MINAR2: variants seen among roughly 807,000 people sequenced by gnomAD.
MINAR2 encodes the protein major intrinsically disordered NOTCH2-binding receptor 1-like.
In MINAR2, 21 loss-of-function variants were observed where a neutral mutation model predicts 16.1. The observed-to-expected ratio is 1.31, with a 90% CI of 0.93 to 1.88. The LOEUF is 1.88. MINAR2 is among the 40% of genes most tolerant of loss of function. MINAR2 has a pLI of 0.00. For missense variants in MINAR2, 259 were observed against 229.8 expected (o/e 1.13, Z -0.82); for synonymous variants, 86 against 83.0 (o/e 1.04, Z -0.20).
At chr5:129,751,210 AT>A (rs565627835) in intron 1 of MINAR2, among the ~76,000 whole-genome samples, 22 of 148,716 alleles carry the variant, frequency 1.5e-4, no homozygotes, top group African/African-American at 3.7e-4. Context: ...CATTCAATCT[AT>A]TTTTTTTTTC....
At chr5:129,756,203 A>G (rs1758051924) in intron 1 of MINAR2, among the ~76,000 whole-genome samples, 1 of 152,124 alleles carries the variant, frequency 6.6e-6, no homozygotes, top group South Asian at 2.1e-4. Context: ...GGAATTTAAC[A>G]TGCTATCAAT....
At chr5:129,763,862 A>C (rs185288261) in intron 2 of MINAR2, among the ~76,000 whole-genome samples, 11 of 152,302 alleles carry the variant, frequency 7.2e-5, no homozygotes, top group African/African-American at 2.6e-4. Flanking sequence ...TGATAAAGAA[A>C]ACTTGCTGTG....
intron 1 of MINAR2, among the ~76,000 whole-genome samples, chr5:129,759,979 C>T (rs1484737696): frequency 6.6e-6 from 1 of 151,760 alleles, no homozygotes; most frequent in African/African-American, 2.4e-5. Context: ...GCTGGATTAG[C>T]ACAATAATAT....
In MINAR2 at chr5:129,760,414, G is replaced by T; in HGVS notation, c.202G>T (p.Gly68Ter). ...KKNIAAQRIR[G>*]SSADSLVTAD... ...GAATATTGCTGCTCAACGAATTAGG[G>T]GATCCAGTGCAGACAGCCTTGTCAC... The change falls in exon 2 of 3, where the codon GGA becomes TGA. Residue 68 changes from glycine (G) to a stop codon, truncating the protein, a stop_gained. Coordinates refer to ENST00000564719, the MANE Select transcript of MINAR2 (RefSeq NM_001257308.2). LOFTEE classifies it high-confidence loss of function. The T allele has an allele frequency of 6.5e-7, 1 of 1,535,700 alleles. No homozygotes were observed. The highest frequency in any genetic ancestry group is 8.7e-7 in the Non-Finnish European group (1 of 1,146,574).
At chr5:129,757,758 G>A (rs1301314713) in intron 1 of MINAR2, among the ~76,000 whole-genome samples, 2 of 151,800 alleles carry the variant, frequency 1.3e-5, no homozygotes, top group African/African-American at 2.4e-5. Flanking sequence ...ATACTCCAGT[G>A]TATTCATTTC....
intron 2 of MINAR2, among the ~76,000 whole-genome samples, chr5:129,763,663 G>A (rs1758168940): frequency 6.6e-6 from 1 of 152,182 alleles, no homozygotes; most frequent in South Asian, 2.1e-4. Flanking sequence ...CTTCTTCACA[G>A]ATCATCCATA....
At chr5:129,763,147 C>T (rs186873682) in intron 2 of MINAR2, among the ~76,000 whole-genome samples, 11 of 152,194 alleles carry the variant, frequency 7.2e-5, no homozygotes, top group Non-Finnish European at 1.3e-4. Flanking sequence ...AGGACCTGCT[C>T]CCTCCCCTAC....
At chr5:129,764,169 T>C (rs928212943) in intron 2 of MINAR2, among the ~76,000 whole-genome samples, 1 of 152,096 alleles carries the variant, frequency 6.6e-6, no homozygotes, top group Non-Finnish European at 1.5e-5. Context: ...GACTTGATAA[T>C]TCTATGGGCC....
chr5:129,765,817 A>G lies in MINAR2; in HGVS notation c.*754A>G, dbSNP rs555603796. 5 of 152,274 alleles carry G rather than the reference A, an allele frequency of 3.3e-5. No individual in the cohort carries two copies. Among genetic ancestry groups the G allele is most frequent in the African/African-American group, 1.2e-4 (5 of 41,558 alleles). The allele number at this position is 152,274 out of a possible 1,614,324, so 9.4% of individuals were successfully genotyped here. On this transcript the variant is annotated 3_prime_UTR_variant, in exon 3 of 3. Transcript: ENST00000564719. ...GTGCATATATTACCAACCATGGTCT[A>G]GGTTGGGGGTCCCTAGGAAAGCAGA...
intron 1 of MINAR2, among the ~76,000 whole-genome samples, chr5:129,759,745 C>T (rs1758102985): frequency 1.3e-5 from 2 of 151,888 alleles, no homozygotes; most frequent in African/African-American, 2.4e-5. Context: ...ATTTATAGAG[C>T]TATGTATTTA....
rs563937540 is a variant in MINAR2 at position 129,759,541 on chromosome 5, G to A, written c.166-837G>A. On this transcript the variant is annotated intron_variant, in intron 1 of 2. Transcript: ENST00000564719. ...AAGGTCAAGCCAGACACAGAAAAGC[G>A]CACATTATATGATTTTATTTATAGA... is the stretch of plus-strand genomic sequence containing the variant. 3.1e-3 allele frequency among the ~76,000 whole-genome samples: 466 copies of A among 152,132 alleles called. 2 individuals are homozygous for A. The highest frequency in any genetic ancestry group is 9.2e-3 in the African/African-American group (380 of 41,500).
chr5:129,762,196 C>T (rs1178365517), intron 2 of MINAR2, among the ~76,000 whole-genome samples: 1 of 151,992 alleles, frequency 6.6e-6, no homozygotes, highest in African/African-American at 2.4e-5. Flanking sequence ...ATCTGTACCC[C>T]AAATTCTCAA....
intron 1 of MINAR2, among the ~76,000 whole-genome samples, chr5:129,751,158 A>G (rs1757980037): frequency 6.6e-6 from 1 of 152,166 alleles, no homozygotes; most frequent in Non-Finnish European, 1.5e-5. Context: ...CCATTTGCAG[A>G]GGAAACTCTC....
chr5:129,754,587 G>T (rs1436642592), intron 1 of MINAR2, among the ~76,000 whole-genome samples: 1 of 151,994 alleles, frequency 6.6e-6, no homozygotes, highest in South Asian at 2.1e-4. Context: ...ATAATATCTT[G>T]TAATTCTCCA....
At chr5:129,749,829 G>A (rs371975786) in intron 1 of MINAR2, among the ~76,000 whole-genome samples, 87 of 152,226 alleles carry the variant, frequency 5.7e-4, no homozygotes, top group African/African-American at 2.0e-3. Context: ...GTTGAATGTT[G>A]TTCCTAAACC....
Position 129,765,090 on chromosome 5 carries a change from T to A in MINAR2, c.*27T>A. 1 of 1,239,562 alleles carries A rather than the reference T, an allele frequency of 8.1e-7. No homozygotes were observed. Among genetic ancestry groups the A allele is most frequent in the East Asian group, 3.1e-5 (1 of 32,456 alleles). The allele number at this position is 1,239,562 out of a possible 1,614,324, so 76.8% of individuals were successfully genotyped here. A position where few individuals can be genotyped will look rare whatever the true frequency, so the allele number is the denominator to read the frequency against. ...GAAACTGCAACAATCAGAGCTACTTTAAATTTCCTAAAAATTTTTCTGATA... is the reference window on the plus strand; with the variant it reads ...GAAACTGCAACAATCAGAGCTACTTAAAATTTCCTAAAAATTTTTCTGATA... On this transcript the variant is annotated 3_prime_UTR_variant, in exon 3 of 3. Coordinates refer to ENST00000564719, the MANE Select transcript of MINAR2 (RefSeq NM_001257308.2).
chr5:129,765,130 C>T lies in MINAR2; in HGVS notation c.*67C>T, dbSNP rs970335875. On this transcript the variant is annotated 3_prime_UTR_variant, in exon 3 of 3. Coordinates refer to ENST00000564719, the MANE Select transcript of MINAR2 (RefSeq NM_001257308.2). ...TTTTTCTGATAAACATTTGAAACCC[C>T]CCCCACCAAAATAACAAAAAAACAC... The T allele has an allele frequency of 1.4e-5, 13 of 922,044 alleles. No homozygotes were observed. Among genetic ancestry groups the T allele is most frequent in the African/African-American group, 8.5e-5 (5 of 59,092 alleles). The allele number at this position is 922,044 out of a possible 1,614,324, so 57.1% of individuals were successfully genotyped here.
In MINAR2 at chr5:129,766,712, AGTT is replaced by A. The variant is rs1268092809; in HGVS notation, c.*1655_*1657del. On this transcript the variant is annotated 3_prime_UTR_variant, in exon 3 of 3. Transcript: ENST00000564719. ...AAGAGACAGTTTTACTGGACAATAA[AGTT>A]GTTGTGTAGAAAAAAAACGGCGTTA... 2.0e-5 allele frequency: 3 copies of A among 151,936 alleles called. No individual in the cohort carries two copies. Among genetic ancestry groups the A allele is most frequent in the Non-Finnish European group, 2.9e-5 (2 of 68,020 alleles). The allele number at this position is 151,936 out of a possible 1,614,324, so 9.4% of individuals were successfully genotyped here.
rs374406945 is a variant in MINAR2, at chr5:129,748,255, C to G, written c.65C>G (p.Ser22Cys). ...AAATTCCTGCAGCTTGACGTAAAGT[C>G]TTTAACGAGGAGCTCAGCCCTCCTT... is the stretch of plus-strand genomic sequence containing the variant. ...PDKFLQLDVK[S>C]LTRSSALLQA... The change falls in exon 1 of 3, where the codon TCT (serine) becomes TGT (cysteine). Residue 22 changes from serine (S) to cysteine (C), a missense_variant. By Grantham distance (112) the Ser-to-Cys change is moderately radical. Coordinates refer to ENST00000564719, the MANE Select transcript of MINAR2 (RefSeq NM_001257308.2). The G allele has an allele frequency of 6.5e-7, 1 of 1,535,256 alleles. No individual in the cohort carries two copies. Among genetic ancestry groups the G allele is most frequent in the Admixed American group, 2.0e-5 (1 of 50,970 alleles).
Sources: allele counts gnomAD v4.1 joint callset (sites outside exome capture counted in the v4.1 genomes callset), GRCh38; gene constraint gnomAD v4.1.1; transcripts MANE v1.5; gene names NCBI Gene and HGNC (gene_info 2026-07-23, HGNC 2026-07-21).